THOC7: variants seen among roughly 807,000 people sequenced by gnomAD.
The protein encoded by THOC7 is NIF3L1-binding protein 1.
Under a neutral mutation model 33.1 loss-of-function variants are expected in THOC7, and 22 were observed. That is an observed-to-expected ratio of 0.66 (90% confidence interval 0.47 to 0.95). The LOEUF (loss-of-function observed/expected upper bound fraction) is 0.95, where lower values mean the gene tolerates loss of function less well. Ranked by LOEUF, THOC7 falls within the 40% of genes least tolerant of loss-of-function variation. The pLI, the probability that THOC7 is intolerant of heterozygous loss-of-function variation, is 0.00. For synonymous variants in THOC7, 77 were observed against 76.8 expected (o/e 1.00, Z -0.01); for missense variants, 184 against 245.3 (o/e 0.75, Z 1.67).
intron 1 of THOC7, among the ~76,000 whole-genome samples, chr3:63,847,307 C>G (rs1701919963): frequency 6.6e-6 from 1 of 152,130 alleles, no homozygotes; most frequent in African/African-American, 2.4e-5. Context: ...TTAATGAACT[C>G]TCATCAGGTT....
intron 1 of THOC7, chr3:63,845,046 C>T: frequency 2.9e-6 from 2 of 700,066 alleles, no homozygotes; most frequent in Non-Finnish European, 5.2e-6. Context: ...GACCTGGAGA[C>T]AGCTGACCTG....
Position 63,834,213 on chromosome 3 carries a change from G to C in THOC7, c.548-14C>G, listed in dbSNP as rs1212340787. On this transcript the variant is annotated splice_polypyrimidine_tract_variant and intron_variant, in intron 7 of 7. Coordinates refer to ENST00000295899, the MANE Select transcript of THOC7 (RefSeq NM_025075.4). ...GTTTTTCATCATCTGTAATTGAGAA[G>C]GAAACATAAAACCTTAGTCAAGTTT... 1.2e-6 allele frequency: 2 copies of C among 1,613,372 alleles called. No homozygotes were observed. The highest frequency in any genetic ancestry group is 2.7e-5 in the African/African-American group (2 of 74,992).
At chr3:63,841,393 T>C (rs937981115) in intron 1 of THOC7, among the ~76,000 whole-genome samples, 2 of 152,198 alleles carry the variant, frequency 1.3e-5, no homozygotes, top group African/African-American at 4.8e-5. Context: ...TTTTTTATAG[T>C]ACGCAGTAAT....
At chr3:63,859,252 A>G (rs1346812799) in intron 1 of THOC7, among the ~76,000 whole-genome samples, 2 of 152,226 alleles carry the variant, frequency 1.3e-5, no homozygotes, top group Non-Finnish European at 2.9e-5. Context: ...GATCTAAAAG[A>G]TGAATTGGAT....
At chr3:63,859,401 T>C (rs1179954243) in intron 1 of THOC7, among the ~76,000 whole-genome samples, 31 of 152,254 alleles carry the variant, frequency 2.0e-4, no homozygotes, top group Admixed American at 2.0e-3. Flanking sequence ...TTGGCCCACC[T>C]GGATGCAGTC....
At chr3:63,836,414 AAAC>A in intron 4 of THOC7, 56 bp from the exon 5 acceptor site, 2 of 1,534,746 alleles carry the variant, frequency 1.3e-6, no homozygotes, top group Non-Finnish European at 1.8e-6. Context: ...TGAATTATCA[AAAC>A]AAAATGTGTA....
intron 1 of THOC7, among the ~76,000 whole-genome samples, chr3:63,846,854 G>A (rs552636782): frequency 7.2e-5 from 11 of 152,192 alleles, no homozygotes; most frequent in African/African-American, 2.4e-4. Flanking sequence ...AGTCCCGTCC[G>A]ATCTACTTAT....
chr3:63,847,459 C>T (rs910661623), intron 1 of THOC7, among the ~76,000 whole-genome samples: 3 of 152,132 alleles, frequency 2.0e-5, no homozygotes, highest in Non-Finnish European at 2.9e-5. Flanking sequence ...AAAAGAAGGC[C>T]GGGTGCAGTG....
chr3:63,861,015 G>A (rs1702200236), intron 1 of THOC7: 2 of 152,168 alleles, frequency 1.3e-5, no homozygotes, highest in South Asian at 4.1e-4. Flanking sequence ...CACATCAAAG[G>A]AAAGTGGAAG....
chr3:63,834,360 TAA>T (rs879395587), intron 7 of THOC7, among the ~76,000 whole-genome samples, 161 bp from the exon 8 acceptor site: 1 of 146,376 alleles, frequency 6.8e-6, no homozygotes. Context: ...AGACTTCACT[TAA>T]AAAAAAAAAA....
chr3:63,852,581 G>A (rs911655297), intron 1 of THOC7, among the ~76,000 whole-genome samples: 1 of 152,144 alleles, frequency 6.6e-6, no homozygotes, highest in Non-Finnish European at 1.5e-5. Context: ...TAGAACACTA[G>A]GGAGGCTGGA....
intron 4 of THOC7, among the ~76,000 whole-genome samples, chr3:63,837,118 T>G (rs1268490085): frequency 6.6e-6 from 1 of 152,014 alleles, no homozygotes; most frequent in Non-Finnish European, 1.5e-5. Flanking sequence ...GAAAATTCAT[T>G]GTTTTAGAAC....
intron 4 of THOC7, 24 bp downstream of exon 4, chr3:63,837,952 C>T (rs1049067215): frequency 6.3e-6 from 10 of 1,597,004 alleles, no homozygotes; most frequent in African/African-American, 2.7e-5. Context: ...TGTATTTGCA[C>T]ATTAAATCCC....
intron 1 of THOC7, among the ~76,000 whole-genome samples, chr3:63,849,530 A>C (rs1453705064): frequency 6.6e-6 from 1 of 152,116 alleles, no homozygotes; most frequent in Non-Finnish European, 1.5e-5. Flanking sequence ...TGGCTTCCTA[A>C]CATTGAGAGG....
chr3:63,851,830 T>G (rs1702025054), intron 1 of THOC7, among the ~76,000 whole-genome samples: 1 of 152,196 alleles, frequency 6.6e-6, no homozygotes, highest in South Asian at 2.1e-4. Context: ...TTCTATTTTA[T>G]GGAATGATGT....
At chr3:63,859,075 A>G (rs1404460280) in intron 1 of THOC7, among the ~76,000 whole-genome samples, 1 of 152,202 alleles carries the variant, frequency 6.6e-6, no homozygotes, top group Admixed American at 6.5e-5. Flanking sequence ...TACTCCTCCA[A>G]GAGCTTTCCA....
intron 1 of THOC7, among the ~76,000 whole-genome samples, chr3:63,859,004 C>G (rs1326295210): frequency 6.6e-6 from 1 of 152,214 alleles, no homozygotes; most frequent in East Asian, 1.9e-4. Flanking sequence ...GACAGTGATA[C>G]AGGCACATCA....
At chr3:63,845,678 T>C (rs1701876826) in intron 1 of THOC7, among the ~76,000 whole-genome samples, 1 of 152,198 alleles carries the variant, frequency 6.6e-6, no homozygotes. Flanking sequence ...AAAAAGAAAC[T>C]GAAATGTCAT....
At chr3:63,855,935 A>G (rs961110310) in intron 1 of THOC7, among the ~76,000 whole-genome samples, 1 of 152,240 alleles carries the variant, frequency 6.6e-6, no homozygotes, top group Non-Finnish European at 1.5e-5. Context: ...ACAGCTAGCT[A>G]CTAAGGCATT....
Sources: gnomAD v4.1 joint callset for allele counts (sites outside exome capture counted in the v4.1 genomes callset) on GRCh38, gnomAD v4.1.1 for gene constraint, MANE v1.5 for transcripts, NCBI Gene and HGNC (gene_info 2026-07-23, HGNC 2026-07-21) for gene names.